Variants in ADRA1B observed in about 807,000 individuals in gnomAD.
ADRA1B encodes the protein adrenoceptor alpha 1B.
Under a neutral mutation model 17.9 loss-of-function variants are expected in ADRA1B, and 17 were observed. The ratio of observed to expected loss-of-function variants is 0.95; its 90% CI spans 0.65 to 1.42. The LOEUF (loss-of-function observed/expected upper bound fraction) is 1.42. Among genes scored for constraint, ADRA1B ranks in the 40% most tolerant of loss-of-function variants. The probability of loss-of-function intolerance (pLI) is 0.00; values close to 1 mark genes in which losing one functional copy is unlikely to be tolerated. For missense variants in ADRA1B, 681 were observed against 722.1 expected (o/e 0.94, Z 0.65); for synonymous variants, 366 against 327.6 (o/e 1.12, Z -1.27).
At chr5:159,881,180 CAAAAAAA>C (rs35928792) in intron 1 of ADRA1B, among the ~76,000 whole-genome samples, 188 of 56,824 alleles carry the variant, frequency 3.3e-3, no homozygotes, top group African/African-American at 9.5e-3. Context: ...GACTCCGTCT[CAAAAAAA>C]AAAAAAAAAA....
At chr5:159,887,849 G>A (rs1235164199) in intron 1 of ADRA1B, among the ~76,000 whole-genome samples, 1 of 151,608 alleles carries the variant, frequency 6.6e-6, no homozygotes, top group East Asian at 1.9e-4. Flanking sequence ...TGGAGCCCTA[G>A]CATTTCGGTG....
intron 1 of ADRA1B, among the ~76,000 whole-genome samples, 184 bp downstream of exon 1, chr5:159,918,038 G>A (rs1227450863): frequency 1.3e-5 from 2 of 152,234 alleles, no homozygotes; most frequent in Admixed American, 6.5e-5. Context: ...AACCAACTCA[G>A]GTGTTAGTAG....
At chr5:159,933,150 A>G (rs1754860043) in intron 1 of ADRA1B, among the ~76,000 whole-genome samples, 1 of 152,252 alleles carries the variant, frequency 6.6e-6, no homozygotes, top group Non-Finnish European at 1.5e-5. Context: ...TTGCCAACTT[A>G]ACAGGTGGAA....
chr5:159,933,844 C>T (rs1419769919), intron 1 of ADRA1B, among the ~76,000 whole-genome samples: 2 of 152,192 alleles, frequency 1.3e-5, no homozygotes, highest in East Asian at 3.8e-4. Flanking sequence ...TGTTGCCATC[C>T]CCAGGAAAAC....
chr5:159,900,791 T>A (rs952655440), intron 1 of ADRA1B, among the ~76,000 whole-genome samples: 1 of 152,240 alleles, frequency 6.6e-6, no homozygotes, highest in African/African-American at 2.4e-5. Context: ...GGCCATGGAA[T>A]GGACTTGGGA....
chr5:159,898,749 A>T (rs1238008149), intron 1 of ADRA1B, among the ~76,000 whole-genome samples: 1 of 152,220 alleles, frequency 6.6e-6, no homozygotes, highest in East Asian at 1.9e-4. Context: ...AGAAGCTGAG[A>T]AGAGACTTGG....
At chr5:159,865,937 A>T (rs1395932807) in intron 1 of ADRA1B, among the ~76,000 whole-genome samples, 1 of 152,202 alleles carries the variant, frequency 6.6e-6, no homozygotes, top group South Asian at 2.1e-4. Context: ...TAATAAACAG[A>T]TAAATTATGT....
chr5:159,945,122 A>AT (rs976384996), intron 1 of ADRA1B, among the ~76,000 whole-genome samples: 11 of 152,312 alleles, frequency 7.2e-5, no homozygotes, highest in Non-Finnish European at 1.0e-4. Flanking sequence ...GCTCACGCCT[A>AT]TAATCCCTGC....
Position 159,972,638 on chromosome 5 carries a change from C to T in ADRA1B, c.*146C>T, listed in dbSNP as rs1010680023. On this transcript the variant is annotated 3_prime_UTR_variant, in exon 2 of 2. Transcript: ENST00000306675. ...GGGGGAGGGCCGGGGAGAGGGGCAG[C>T]TGCTTTTCTGGCAGGGGCATGGGTG... The T allele has an allele frequency of 4.2e-6, 4 of 946,534 alleles. No individual in the cohort carries two copies. The highest frequency in any genetic ancestry group is 3.5e-5 in the African/African-American group (2 of 57,308). 58.6% of individuals were successfully genotyped at this position (946,534 alleles called of 1,614,324 possible). A position where few individuals can be genotyped will look rare whatever the true frequency, so the allele number is the denominator to read the frequency against.
At chr5:159,877,527 A>G (rs79961676) in intron 1 of ADRA1B, among the ~76,000 whole-genome samples, 1 of 152,002 alleles carries the variant, frequency 6.6e-6, no homozygotes, top group Non-Finnish European at 1.5e-5. Flanking sequence ...AAACACTTTC[A>G]TATCTCATAT....
intron 1 of ADRA1B, among the ~76,000 whole-genome samples, chr5:159,902,426 A>G (rs1754111816): frequency 6.6e-6 from 1 of 152,178 alleles, no homozygotes; most frequent in African/African-American, 2.4e-5. Context: ...AGAGTTAACA[A>G]TGCTGTAATG....
downstream of ADRA1B, among the ~76,000 whole-genome samples, chr5:159,974,634 CAAAA>C (rs1196958378): frequency 9.4e-6 from 1 of 106,490 alleles, no homozygotes. Context: ...AAGACTCCAT[CAAAA>C]AAAAAAAAAA....
At chr5:159,879,814 G>A (rs750568631) in intron 1 of ADRA1B, among the ~76,000 whole-genome samples, 10 of 152,092 alleles carry the variant, frequency 6.6e-5, no homozygotes, top group Non-Finnish European at 1.3e-4. Context: ...TGGCCAACAT[G>A]GTGAGACCCT....
At chr5:159,899,940 A>G (rs1754083871) in intron 1 of ADRA1B, among the ~76,000 whole-genome samples, 1 of 152,226 alleles carries the variant, frequency 6.6e-6, no homozygotes, top group Non-Finnish European at 1.5e-5. Context: ...TGGATGTAAG[A>G]TGAGAAGTAA....
intron 1 of ADRA1B, among the ~76,000 whole-genome samples, chr5:159,960,731 G>T (rs1178170267): frequency 6.8e-6 from 1 of 146,160 alleles, no homozygotes; most frequent in Non-Finnish European, 1.5e-5. Flanking sequence ...AAAAAAAGCA[G>T]ATTCTGATGC....
intron 1 of ADRA1B, among the ~76,000 whole-genome samples, chr5:159,960,582 G>A (rs1379959728): frequency 2.0e-5 from 3 of 152,162 alleles, no homozygotes; most frequent in Non-Finnish European, 4.4e-5. Flanking sequence ...ACACCTGCCT[G>A]TAGTTCCAAC....
At chr5:159,980,558 C>T in the ADRA1B span, among the ~76,000 whole-genome samples, 5 of 152,184 alleles carry the variant, frequency 3.3e-5, no homozygotes, top group Non-Finnish European at 7.3e-5. Context: ...GCACTGAAAT[C>T]CTGGTTCTGC....
chr5:159,925,681 T>C (rs934687372), intron 1 of ADRA1B, among the ~76,000 whole-genome samples: 1 of 152,144 alleles, frequency 6.6e-6, no homozygotes, highest in Non-Finnish European at 1.5e-5. Context: ...GACCTAGCTA[T>C]ACAGAAAGAA....
chr5:159,946,425 G>T (rs1449636790), intron 1 of ADRA1B, among the ~76,000 whole-genome samples: 1 of 152,118 alleles, frequency 6.6e-6, no homozygotes, highest in South Asian at 2.1e-4. Context: ...AACACATCCC[G>T]GTAAGCAGCA....
Sources: allele counts gnomAD v4.1 joint callset (sites outside exome capture counted in the v4.1 genomes callset), GRCh38; gene constraint gnomAD v4.1.1; transcripts MANE v1.5; gene names NCBI Gene and HGNC (gene_info 2026-07-23, HGNC 2026-07-21).